Variants in PUDP observed in about 807,000 individuals in gnomAD.
PUDP encodes pseudouridine-5'-phosphatase.
A neutral mutation model predicts 9.4 loss-of-function variants in PUDP; 8 were observed. The observed-to-expected ratio is 0.85, with a 90% CI of 0.50 to 1.53. PUDP has a LOEUF of 1.53. PUDP is among the 40% of genes most tolerant of loss of function. The pLI, the probability that PUDP is intolerant of heterozygous loss-of-function variation, is 0.00. For synonymous variants in PUDP, 99 were observed against 80.7 expected (o/e 1.23, Z -1.22); for missense variants, 188 against 189.7 (o/e 0.99, Z 0.05).
intron 3 of PUDP, among the ~76,000 whole-genome samples, chrX:6,728,233 T>C (rs1258977051): frequency 9.0e-6 from 1 of 110,985 alleles, no homozygotes; most frequent in African/African-American, 3.3e-5. Flanking sequence ...CCCCCCATGA[T>C]TCAATTATCT....
intron 3 of PUDP, among the ~76,000 whole-genome samples, chrX:6,782,481 A>AATCACTTGAAGCCAGG (rs369906213): frequency 4.5e-5 from 5 of 111,611 alleles, no homozygotes; most frequent in African/African-American, 1.6e-4. Context: ...GAGGCAGGAG[A>AATCACTTGAAGCCAGG]ATCACTTGAA....
At chrX:7,065,924 T>C (rs1322790400) in intron 3 of PUDP, among the ~76,000 whole-genome samples, 1 of 112,244 alleles carries the variant, frequency 8.9e-6, no homozygotes. Context: ...CAATAATCTG[T>C]GGTACTACAT....
intron 3 of PUDP, among the ~76,000 whole-genome samples, chrX:6,759,842 C>A (rs1286305291): frequency 2.7e-5 from 3 of 111,435 alleles, no homozygotes; most frequent in Non-Finnish European, 5.6e-5. Context: ...TGCCAACAAG[C>A]TCTGTGGCAT....
Position 7,007,099 on chromosome X carries a change from T to C in PUDP, c.205-28756A>G, listed in dbSNP as rs538238463. On this transcript the variant is annotated intron_variant and NMD_transcript_variant, in intron 1 of 3. Coordinates refer to the PUDP transcript ENST00000655425. Reference sequence around the variant, plus strand: ...GCCAGGGAAGAATGCTTTATTTGGGTGCTGCAGCCAAGGAGGTGGGAGATC... The same window carrying C: ...GCCAGGGAAGAATGCTTTATTTGGGCGCTGCAGCCAAGGAGGTGGGAGATC... Among the ~76,000 whole-genome samples the C allele has an allele frequency of 4.5e-5, 5 of 110,328 alleles. No individual in the cohort carries two copies. The South Asian group carries it at 2.0e-3, about 44-fold the overall frequency.
At chrX:7,058,702 T>A (rs1930315489) in intron 3 of PUDP, among the ~76,000 whole-genome samples, 1 of 112,565 alleles carries the variant, frequency 8.9e-6, no homozygotes, top group Non-Finnish European at 1.9e-5. Flanking sequence ...TGTTTAAACA[T>A]GAAACTTTTA....
At chrX:6,834,750 A>G (rs1487841314) in intron 3 of PUDP, among the ~76,000 whole-genome samples, 2 of 111,387 alleles carry the variant, frequency 1.8e-5, no homozygotes, top group Non-Finnish European at 3.8e-5. Flanking sequence ...ATGAGCTAGC[A>G]TCTGCCGAGG....
At chrX:7,093,309 C>G (rs1019211510) in intron 2 of PUDP, among the ~76,000 whole-genome samples, 1 of 112,036 alleles carries the variant, frequency 8.9e-6, no homozygotes, top group Non-Finnish European at 1.9e-5. Context: ...AGAACTCAAT[C>G]AAAAGGAAAA....
chrX:6,766,165 A>T (rs910063123), intron 3 of PUDP, among the ~76,000 whole-genome samples: 2 of 112,115 alleles, frequency 1.8e-5, no homozygotes, highest in Non-Finnish European at 3.8e-5. Flanking sequence ...ATGAAAGGGA[A>T]ATCAGGACGT....
At position 6,913,080 on chromosome X, in the gene PUDP, ATAAG is replaced by A. The variant is rs1220628635; in HGVS notation, c.*247+64049_*247+64052del. ...AAATTGTTTCTCATCCTTCATTTTT[ATAAG>A]TGATACTTATATCGCTTACAAATCC... On this transcript the variant is annotated intron_variant and NMD_transcript_variant, in intron 3 of 3. Coordinates refer to the PUDP transcript ENST00000655425. Among the ~76,000 whole-genome samples the A allele has an allele frequency of 5.4e-5, 6 of 112,100 alleles. No homozygotes were observed. In the East Asian group the frequency reaches 1.7e-3, roughly 31 times the overall value.
chrX:6,750,586 C>T (rs765676491), intron 3 of PUDP, among the ~76,000 whole-genome samples: 1 of 111,613 alleles, frequency 9.0e-6, no homozygotes, highest in Admixed American at 9.6e-5. Flanking sequence ...ACATTGACCC[C>T]TGGTAGGCTT....
At chrX:6,766,642 G>C (rs984315030) in intron 3 of PUDP, among the ~76,000 whole-genome samples, 1 of 111,536 alleles carries the variant, frequency 9.0e-6, no homozygotes, top group Non-Finnish European at 1.9e-5. Flanking sequence ...TAAAATTTTA[G>C]TACAACATGA....
chrX:7,032,311 G>A (rs753807298), intron 1 of PUDP, among the ~76,000 whole-genome samples: 20 of 111,722 alleles, frequency 1.8e-4, no homozygotes, highest in South Asian at 3.7e-4. Context: ...ATAAAATGGC[G>A]CAACCACTTT....
At chrX:7,011,602 G>T (rs1280798982) in intron 1 of PUDP, among the ~76,000 whole-genome samples, 2 of 111,569 alleles carry the variant, frequency 1.8e-5, no homozygotes, top group Non-Finnish European at 3.8e-5. Context: ...CCATTACCAG[G>T]GGACTTTCTA....
Position 7,050,236 on chromosome X carries a change from T to C in PUDP, c.*60A>G, listed in dbSNP as rs1278942181. The C allele has an allele frequency of 2.5e-5, 27 of 1,084,376 alleles. No individual in the cohort carries two copies. The highest frequency in any genetic ancestry group is 3.7e-5 in the African/African-American group (2 of 54,296). 89.4% of individuals were successfully genotyped at this position (1,084,376 alleles called of 1,213,427 possible). A position where few individuals can be genotyped will look rare whatever the true frequency, so the allele number is the denominator to read the frequency against. ...GAAGAGTTGCTGATTTCCTTTCCCTTTCCCCCAGCAGTGTGGACCATGAGA... is the reference window on the plus strand; with the variant it reads ...GAAGAGTTGCTGATTTCCTTTCCCTCTCCCCCAGCAGTGTGGACCATGAGA... On this transcript the variant is annotated 3_prime_UTR_variant, in exon 4 of 4. Coordinates refer to ENST00000381077, the MANE Select transcript of PUDP (RefSeq NM_012080.5).
rs1015424199 is a variant in PUDP, at chrX:6,830,705, A to G, written c.*248-124239T>C. Reference sequence around the variant, plus strand: ...GGGTTACTACTGTAGCCAAATTAGCACAGTGTTTTGCACAAAAAAGAATTT... The same window carrying G: ...GGGTTACTACTGTAGCCAAATTAGCGCAGTGTTTTGCACAAAAAAGAATTT... On this transcript the variant is annotated intron_variant and NMD_transcript_variant, in intron 3 of 3. Transcript: ENST00000655425. Among the ~76,000 whole-genome samples, 3 of 112,514 alleles carry G rather than the reference A, an allele frequency of 2.7e-5. No individual in the cohort carries two copies. In the Admixed American group the frequency reaches 2.8e-4, roughly 11 times the overall value.
At chrX:7,130,725 A>G (rs1932598966) in intron 1 of PUDP, among the ~76,000 whole-genome samples, 1 of 110,701 alleles carries the variant, frequency 9.0e-6, no homozygotes, top group Non-Finnish European at 1.9e-5. Context: ...GTCTCTACTA[A>G]AAATACAGCA....
chrX:7,003,401 C>T (rs961385901), intron 1 of PUDP, among the ~76,000 whole-genome samples: 4 of 110,806 alleles, frequency 3.6e-5, no homozygotes, highest in African/African-American at 9.9e-5. Flanking sequence ...GTGTTGGGTG[C>T]GGTGGCCAAT....
At position 6,866,228 on chromosome X, in the gene PUDP, GT is replaced by G. The variant is rs1157132935; in HGVS notation, c.*247+110904del. ...CATGAGCCACCATACCCAGCTGAAAGTTTTTTTTTTTTTAATTTAAAATTTA... is the reference window on the plus strand; with the variant it reads ...CATGAGCCACCATACCCAGCTGAAAGTTTTTTTTTTTTAATTTAAAATTTA... On this transcript the variant is annotated intron_variant and NMD_transcript_variant, in intron 3 of 3. Transcript: ENST00000655425. 9.5e-3 allele frequency among the ~76,000 whole-genome samples: 906 copies of G among 94,890 alleles called. 9 individuals carry two copies. Among genetic ancestry groups the G allele is most frequent in the African/African-American group, 0.03 (784 of 26,357 alleles). The allele number at this position is 94,890 out of a possible 115,157, so 82.4% of individuals were successfully genotyped here. A position where few individuals can be genotyped will look rare whatever the true frequency, so the allele number is the denominator to read the frequency against.
At chrX:6,957,702 G>A (rs1928648343) in intron 3 of PUDP, among the ~76,000 whole-genome samples, 1 of 112,497 alleles carries the variant, frequency 8.9e-6, no homozygotes, top group Admixed American at 9.5e-5. Flanking sequence ...AGTAGAGGCG[G>A]AAAGAATTTG....
Sources: gnomAD v4.1 joint callset for allele counts (sites outside exome capture counted in the v4.1 genomes callset) on GRCh38, gnomAD v4.1.1 for gene constraint, MANE v1.5 for transcripts, NCBI Gene and HGNC (gene_info 2026-07-23, HGNC 2026-07-21) for gene names.